The following PTPRN2 variants were observed in gnomAD, a reference collection of about 807,000 sequenced individuals.
The protein encoded by PTPRN2 is protein tyrosine phosphatase receptor type N2.
Under a neutral mutation model 118.8 loss-of-function variants are expected in PTPRN2, and 74 were observed. The ratio of observed to expected loss-of-function variants is 0.62; its 90% CI spans 0.52 to 0.76. The LOEUF is 0.76. Among genes scored for constraint, PTPRN2 ranks in the 30% least tolerant of loss-of-function variants. PTPRN2 has a pLI of 0.00. For missense variants in PTPRN2, 1,481 were observed against 1,394.4 expected, an observed-to-expected ratio of 1.06 and a Z score of -0.99; for synonymous variants, 641 against 608.0, an observed-to-expected ratio of 1.05 and a Z score of -0.80.
At chr7:157,574,811 C>T (rs1324718763) in intron 19 of PTPRN2, among the ~76,000 whole-genome samples, 1 of 152,240 alleles carries the variant, frequency 6.6e-6, no homozygotes, top group East Asian at 1.9e-4. Context: ...ACCGGCAATG[C>T]TTGTCTAAGT....
At chr7:158,043,246 C>A (rs1313337240) in intron 11 of PTPRN2, among the ~76,000 whole-genome samples, 4 of 152,232 alleles carry the variant, frequency 2.6e-5, no homozygotes, top group Non-Finnish European at 4.4e-5. Flanking sequence ...GAGGGGAACA[C>A]TTTCCTCTAA....
chr7:158,210,846 C>G (rs949153590), intron 3 of PTPRN2, among the ~76,000 whole-genome samples: 1 of 152,140 alleles, frequency 6.6e-6, no homozygotes, highest in Non-Finnish European at 1.5e-5. Context: ...AAAGAAAAGC[C>G]TGGGACTTGA....
chr7:157,989,805 A>G (rs920026), intron 11 of PTPRN2, among the ~76,000 whole-genome samples: 127,848 of 152,078 alleles, frequency 0.84, 53,946 homozygotes, highest in African/African-American at 0.91. Flanking sequence ...AGCAGCATTG[A>G]GAGGTCAGGG....
At chr7:158,336,540 C>CCGCA (rs1563164872) in intron 2 of PTPRN2, among the ~76,000 whole-genome samples, 2 of 57,302 alleles carry the variant, frequency 3.5e-5, no homozygotes, top group African/African-American at 1.5e-4. Flanking sequence ...TGAAACCTGC[C>CCGCA]GACGTCACTC....
chr7:158,131,242 CACAT>C (rs1438639274), intron 9 of PTPRN2, among the ~76,000 whole-genome samples: 8 of 151,290 alleles, frequency 5.3e-5, no homozygotes, highest in South Asian at 2.1e-4. Context: ...CCAACAAACA[CACAT>C]ACATACACAC....
At chr7:158,340,622 A>G (rs1806537699) in intron 2 of PTPRN2, among the ~76,000 whole-genome samples, 2 of 111,420 alleles carry the variant, frequency 1.8e-5, no homozygotes, top group African/African-American at 3.3e-5. Context: ...CACGTCACTC[A>G]CACTCACACT....
At chr7:158,043,743 A>G (rs140710934) in intron 11 of PTPRN2, among the ~76,000 whole-genome samples, 1 of 152,336 alleles carries the variant, frequency 6.6e-6, no homozygotes, top group East Asian at 1.9e-4. Context: ...CAGGGCACCC[A>G]AGTAAGCAAG....
At chr7:158,071,433 G>GTGGTGGTGGAGTTGCTCC (rs1811600114) in intron 11 of PTPRN2, among the ~76,000 whole-genome samples, 1 of 28,850 alleles carries the variant, frequency 3.5e-5, no homozygotes, top group Non-Finnish European at 6.6e-5. Context: ...GGAGGTGCTC[G>GTGGTGGTGGAGTTGCTCC]TGGTGGTGGA....
intron 11 of PTPRN2, among the ~76,000 whole-genome samples, chr7:158,035,246 A>G (rs1404867835): frequency 6.6e-6 from 1 of 152,284 alleles, no homozygotes; most frequent in Non-Finnish European, 1.5e-5. Context: ...AACTATAAGA[A>G]GAGAAGAAAG....
chr7:158,521,696 ACTGTCCAGGTAGTGGCTCAGGAGGG>A, intron 1 of PTPRN2, among the ~76,000 whole-genome samples: 5 of 103,936 alleles, frequency 4.8e-5, no homozygotes, highest in Non-Finnish European at 7.6e-5. Flanking sequence ...ACAATGGTGG[ACTGTCCAGGTAGTGGCTCAGGAGGG>A]AGGTCCACGT....
At chr7:158,181,498 G>A (rs1446524518) in intron 5 of PTPRN2, among the ~76,000 whole-genome samples, 1 of 152,168 alleles carries the variant, frequency 6.6e-6, no homozygotes, top group Non-Finnish European at 1.5e-5. Flanking sequence ...CTTTGGAATA[G>A]TTTCAGTAGA....
chr7:157,568,365 G>A (rs1262138531), intron 21 of PTPRN2, among the ~76,000 whole-genome samples: 1 of 152,212 alleles, frequency 6.6e-6, no homozygotes, highest in Non-Finnish European at 1.5e-5. Context: ...AGATTCCCTA[G>A]ATAAGAAGGA....
At chr7:157,746,566 G>T (rs73165818) in intron 12 of PTPRN2, among the ~76,000 whole-genome samples, 7 of 149,220 alleles carry the variant, frequency 4.7e-5, no homozygotes, top group African/African-American at 1.7e-4. Context: ...CAGTCCTCAC[G>T]GGGCCAAGGG....
chr7:158,149,797 C>T lies in PTPRN2; in HGVS notation c.911-11282G>A, dbSNP rs149334088. Among the ~76,000 whole-genome samples, 786 of 133,562 alleles carry T rather than the reference C, an allele frequency of 5.9e-3. 17 individuals carry two copies. The East Asian group carries it at 0.06, about 10-fold the overall frequency. The allele number at this position is 133,562 out of a possible 152,430, so 87.6% of individuals were successfully genotyped here. A position where few individuals can be genotyped will look rare whatever the true frequency, so the allele number is the denominator to read the frequency against. Reference sequence around the variant, plus strand: ...CCAGCCTGAGTGACAGAGCAAGAGTCCATCTCAAAAAAAAAAAAAAGATAA... The same window carrying T: ...CCAGCCTGAGTGACAGAGCAAGAGTTCATCTCAAAAAAAAAAAAAAGATAA... On this transcript the variant is annotated intron_variant, in intron 6 of 22. Transcript: ENST00000389418.
intron 11 of PTPRN2, among the ~76,000 whole-genome samples, chr7:158,011,543 A>G (rs1402275065): frequency 6.6e-6 from 1 of 152,260 alleles, no homozygotes; most frequent in Non-Finnish European, 1.5e-5. Context: ...AGAAAATGGT[A>G]CAAATTAAGA....
chr7:158,380,043 C>G (rs370421109), intron 2 of PTPRN2, among the ~76,000 whole-genome samples: 1 of 152,168 alleles, frequency 6.6e-6, no homozygotes, highest in Non-Finnish European at 1.5e-5. Context: ...CGATTACCTT[C>G]CAACGGGTCC....
In PTPRN2 at chr7:157,794,366, G is replaced by A. The variant is rs1029658620; in HGVS notation, c.1788+104307C>T. Among the ~76,000 whole-genome samples the A allele has an allele frequency of 2.6e-5, 4 of 152,176 alleles. No individual in the cohort carries two copies. Among genetic ancestry groups the A allele is most frequent in the Non-Finnish European group, 4.4e-5 (3 of 68,032 alleles). On this transcript the variant is annotated intron_variant, in intron 12 of 22. Transcript: ENST00000389418. The surrounding 1 kb of genome is among the most constrained non-coding windows in gnomAD (Gnocchi z 5.2). ...AGGCTGCCTGCACTTCCGGTTCTGC[G>A]TCTGGCCGGCCTACGGGCACTCGGG...
intron 1 of PTPRN2, among the ~76,000 whole-genome samples, chr7:158,515,429 A>G (rs1317871946): frequency 1.3e-5 from 2 of 151,992 alleles, no homozygotes; most frequent in South Asian, 2.1e-4. Context: ...TCAGGTGATC[A>G]GCCCGCCTCA....
At chr7:158,018,184 C>T (rs866101963) in intron 11 of PTPRN2, among the ~76,000 whole-genome samples, 1 of 152,166 alleles carries the variant, frequency 6.6e-6, no homozygotes, top group Non-Finnish European at 1.5e-5. Context: ...ACGTGTGGAG[C>T]TGGAGCTAGG....
Sources: allele counts gnomAD v4.1 joint callset (sites outside exome capture counted in the v4.1 genomes callset), GRCh38; gene constraint gnomAD v4.1.1; non-coding constraint Gnocchi (gnomAD v3.1); transcripts MANE v1.5; gene names NCBI Gene and HGNC (gene_info 2026-07-23, HGNC 2026-07-21).